The following AKR1B15 variants were observed in gnomAD, a reference collection of about 807,000 sequenced individuals.
AKR1B15 encodes the protein aldo-keto reductase family 1 member B15, also known as estradiol 17-beta-dehydrogenase AKR1B15.
AKR1B15 carries 49 observed loss-of-function variants against 38.5 expected under a neutral mutation model. The observed-to-expected ratio is 1.27, with a 90% CI of 1.01 to 1.62. AKR1B15 has a LOEUF of 1.62. Among genes scored for constraint, AKR1B15 ranks in the 40% most tolerant of loss-of-function variants. AKR1B15 has a pLI of 0.00. For synonymous variants in AKR1B15, 137 were observed against 135.5 expected, an observed-to-expected ratio of 1.01 and a Z score of -0.08; for missense variants, 411 against 381.6, an observed-to-expected ratio of 1.08 and a Z score of -0.64.
At chr7:134,577,822 G>A in intron 11 of AKR1B15, 36 bp downstream of exon 11, 2 of 1,605,852 alleles carry the variant, frequency 1.2e-6, no homozygotes, top group African/African-American at 1.3e-5. Flanking sequence ...GAATTGCCAG[G>A]AGTTTTTCTA....
At chr7:134,561,994 CTT>C (rs1348183529) in intron 2 of AKR1B15, among the ~76,000 whole-genome samples, 1 of 152,164 alleles carries the variant, frequency 6.6e-6, no homozygotes, top group Non-Finnish European at 1.5e-5. Flanking sequence ...TGCTTTCTCT[CTT>C]TCTTTTACAC....
At chr7:134,572,475 A>C (rs140968887) in intron 6 of AKR1B15, among the ~76,000 whole-genome samples, 118 of 152,176 alleles carry the variant, frequency 7.8e-4, no homozygotes, top group African/African-American at 2.6e-3. Flanking sequence ...AAAAATACAA[A>C]AAATTAGCCA....
At chr7:134,559,601 C>G (rs998449924) in intron 2 of AKR1B15, among the ~76,000 whole-genome samples, 8 of 152,194 alleles carry the variant, frequency 5.3e-5, no homozygotes, top group African/African-American at 1.7e-4. Flanking sequence ...AAAAATGACA[C>G]TACTCTTCGT....
In AKR1B15 at chr7:134,549,144, C is replaced by T. The variant is rs375719894; in HGVS notation, c.-252C>T. 1.5e-4 allele frequency: 23 copies of T among 152,588 alleles called. No homozygotes were observed. The East Asian group carries it at 3.7e-3, about 24-fold the overall frequency. The allele number at this position is 152,588 out of a possible 1,614,324, so 9.5% of individuals were successfully genotyped here. ...GCTGGCTTACAGGGCCACCTGAAGACGTTCCAGGGCTCCACAGGCCACTGT... is the reference window on the plus strand; with the variant it reads ...GCTGGCTTACAGGGCCACCTGAAGATGTTCCAGGGCTCCACAGGCCACTGT... On this transcript the variant is annotated 5_prime_UTR_variant, in exon 1 of 12. It adds an upstream start codon to the 5' untranslated region. Transcript: ENST00000457545.
chr7:134,560,510 G>A (rs1428607140), intron 2 of AKR1B15, among the ~76,000 whole-genome samples: 2 of 152,104 alleles, frequency 1.3e-5, no homozygotes, highest in Non-Finnish European at 2.9e-5. Context: ...GTTGTTACAC[G>A]AAAACAGCTA....
intron 2 of AKR1B15, among the ~76,000 whole-genome samples, chr7:134,562,891 CTTCT>C (rs1291151966): frequency 0.01 from 620 of 61,108 alleles, 11 homozygotes; most frequent in African/African-American, 0.033. Flanking sequence ...TCTTTCTTTC[CTTCT>C]TTCTTCCTTC....
chr7:134,550,041 GT>G (rs1793912846), intron 1 of AKR1B15, among the ~76,000 whole-genome samples: 1 of 152,100 alleles, frequency 6.6e-6, no homozygotes, highest in South Asian at 2.1e-4. Context: ...GATTGCTGGC[GT>G]TTGGATTGCC....
chr7:134,577,295 T>G (rs929806819), intron 10 of AKR1B15, among the ~76,000 whole-genome samples: 1 of 152,182 alleles, frequency 6.6e-6, no homozygotes, highest in Non-Finnish European at 1.5e-5. Context: ...CTCACACCAC[T>G]GAGAAGACCC....
At chr7:134,567,758 T>A (rs1186313794) in intron 3 of AKR1B15, among the ~76,000 whole-genome samples, 1 of 152,174 alleles carries the variant, frequency 6.6e-6, no homozygotes, top group Non-Finnish European at 1.5e-5. Flanking sequence ...AGTGGAGCCA[T>A]CTGCACCACC....
intron 2 of AKR1B15, among the ~76,000 whole-genome samples, chr7:134,564,179 G>A (rs935369843): frequency 2.6e-5 from 4 of 152,174 alleles, no homozygotes; most frequent in African/African-American, 9.7e-5. Flanking sequence ...AACCGGAATA[G>A]CCAGTTTATC....
intron 6 of AKR1B15, among the ~76,000 whole-genome samples, chr7:134,572,037 C>G (rs1794679718): frequency 6.6e-6 from 1 of 152,084 alleles, no homozygotes; most frequent in African/African-American, 2.4e-5. Flanking sequence ...TTGTAGGGCT[C>G]AGTTTTCTCT....
intron 6 of AKR1B15, among the ~76,000 whole-genome samples, chr7:134,574,944 G>T (rs1794731747): frequency 6.6e-6 from 1 of 152,206 alleles, no homozygotes; most frequent in Non-Finnish European, 1.5e-5. Context: ...CACAGGTGAG[G>T]CTTCTCCGTA....
At position 134,579,563 on chromosome 7, in the gene AKR1B15, G is replaced by C; in HGVS notation, c.*14G>C. On this transcript the variant is annotated 3_prime_UTR_variant, in exon 12 of 12. Coordinates refer to ENST00000457545, the MANE Select transcript of AKR1B15 (RefSeq NM_001080538.3). ...GCAGAATATTGAGGTTGAATCTCCTGGTGAGATTACACAGGGGATTCTCTT... is the reference window on the plus strand; with the variant it reads ...GCAGAATATTGAGGTTGAATCTCCTCGTGAGATTACACAGGGGATTCTCTT... 1 of 1,589,860 alleles carries C rather than the reference G, an allele frequency of 6.3e-7. No homozygotes were observed. The highest frequency in any genetic ancestry group is 8.6e-7 in the Non-Finnish European group (1 of 1,166,352).
rs1448528173 is a variant in AKR1B15 at position 134,569,464 on chromosome 7, A to G, written c.370A>G (p.Thr124Ala). Residue 124 changes from threonine to alanine, a missense_variant, in exon 5 of 12, where the codon ACC becomes GCC. Coordinates refer to ENST00000457545, the MANE Select transcript of AKR1B15 (RefSeq NM_001080538.3). ...RPLVRKAFEK[T>A]LKDLKLSYLD... is the part of the protein sequence containing the mutation. The stretch of plus-strand genomic sequence containing the variant: ...CCTTGTGAGGAAAGCCTTTGAGAAG[A>G]CCCTCAAGGACCTGAAGCTGAGCTA... The G allele has an allele frequency of 4.3e-6, 7 of 1,613,992 alleles. No homozygotes were observed. Among genetic ancestry groups the G allele is most frequent in the Non-Finnish European group, 5.9e-6 (7 of 1,179,952 alleles).
chr7:134,576,508 A>G (rs1794771324), intron 9 of AKR1B15, 78 bp downstream of exon 9: 2 of 1,527,730 alleles, frequency 1.3e-6, no homozygotes, highest in South Asian at 1.2e-5. Flanking sequence ...GTTGTCCTCA[A>G]CTGACTCCTT....
In AKR1B15 at chr7:134,576,412, C is replaced by CA. The variant is rs768391747; in HGVS notation, c.814dup (p.Thr272AsnfsTer29). ...AGATTAAGGAGATTGCTGCAAAGCA[C>CA]AAAAAAACCACAGCCCAGGTACCAT... is the stretch of plus-strand genomic sequence containing the variant. On this transcript the variant is annotated frameshift_variant, in exon 9 of 12. Coordinates refer to ENST00000457545, the MANE Select transcript of AKR1B15 (RefSeq NM_001080538.3). LOFTEE classifies it high-confidence loss of function. 8.1e-6 allele frequency: 13 copies of CA among 1,613,912 alleles called. No homozygotes were observed. Among genetic ancestry groups the CA allele is most frequent in the Admixed American group, 3.3e-5 (2 of 60,000 alleles).
chr7:134,568,260 G>C lies in AKR1B15; in HGVS notation c.253G>C (p.Glu85Gln), dbSNP rs760551823. The C allele has an allele frequency of 1.2e-6, 2 of 1,614,136 alleles. No individual in the cohort carries two copies. The highest frequency in any genetic ancestry group is 2.2e-5 in the South Asian group (2 of 91,074). The change falls in exon 4 of 12, where the codon GAA becomes CAA. Residue 85 changes from glutamate to glutamine, a missense_variant. Physicochemically the swap from Glu to Gln is conservative, Grantham distance 29 (BLOSUM62 2). Transcript: ENST00000457545. ...YFYENQHEVGEAIQEKIQEKA... is the reference protein window; with the variant it reads ...YFYENQHEVGQAIQEKIQEKA... ...CTATGAGAATCAACATGAGGTGGGA[G>C]AAGCCATCCAAGAGAAGATCCAAGA...
In AKR1B15 at chr7:134,564,760, CT is replaced by C. The variant is rs768319641; in HGVS notation, c.142del (p.Tyr48IlefsTer9). 5 of 681,764 alleles carry C rather than the reference CT, an allele frequency of 7.3e-6. No homozygotes were observed. The highest frequency in any genetic ancestry group is 1.3e-5 in the Non-Finnish European group (5 of 376,130). 42.2% of individuals were successfully genotyped at this position (681,764 alleles called of 1,614,324 possible). A position where few individuals can be genotyped will look rare whatever the true frequency, so the allele number is the denominator to read the frequency against. Reference sequence around the variant, plus strand: ...CAAGTGCAGGGCCCCTTCTTCGCCCCTATCCAGCAGTAAGTGGCTAGAGAGG... The same window carrying C: ...CAAGTGCAGGGCCCCTTCTTCGCCCCATCCAGCAGTAAGTGGCTAGAGAGG... ...TTSAGPLLRP[Y>X]PASLLGKVKE... On this transcript the variant is annotated frameshift_variant, in exon 3 of 12. Transcript: ENST00000457545. LOFTEE classifies it high-confidence loss of function.
intron 3 of AKR1B15, among the ~76,000 whole-genome samples, chr7:134,567,221 A>G (rs1286283767): frequency 1.3e-5 from 2 of 152,174 alleles, no homozygotes; most frequent in Non-Finnish European, 2.9e-5. Flanking sequence ...TTAAAAGACT[A>G]TTTTGTGAGA....
Sources: allele counts gnomAD v4.1 joint callset (sites outside exome capture counted in the v4.1 genomes callset), GRCh38; gene constraint gnomAD v4.1.1; transcripts MANE v1.5; gene names NCBI Gene and HGNC (gene_info 2026-07-23, HGNC 2026-07-21).